HS3ST5: variants seen among roughly 807,000 people sequenced by gnomAD.
The protein encoded by HS3ST5 is heparan sulfate glucosamine 3-O-sulfotransferase 5.
Under a neutral mutation model 25.4 loss-of-function variants are expected in HS3ST5, and 10 were observed. That is an observed-to-expected ratio of 0.39 (90% CI 0.24 to 0.67). The LOEUF (loss-of-function observed/expected upper bound fraction) is 0.67, where lower values mean the gene tolerates loss of function less well. Ranked by LOEUF, HS3ST5 falls within the 30% of genes least tolerant of loss-of-function variation. The pLI is 0.44. For missense variants in HS3ST5, 324 were observed against 420.7 expected (o/e 0.77, Z 2.01); for synonymous variants, 170 against 162.4 (o/e 1.05, Z -0.36).
At chr6:114,095,922 A>T (rs938291138) in intron 3 of HS3ST5, among the ~76,000 whole-genome samples, 4 of 152,114 alleles carry the variant, frequency 2.6e-5, no homozygotes, top group Admixed American at 2.0e-4. Context: ...CTGTATTTCA[A>T]TGATACTAAT....
chr6:114,119,484 AAC>A (rs1384953215), intron 3 of HS3ST5, among the ~76,000 whole-genome samples: 1 of 152,234 alleles, frequency 6.6e-6, no homozygotes, highest in African/African-American at 2.4e-5. Flanking sequence ...AATAAGGAAG[AAC>A]TGTGTAATGT....
At chr6:114,340,686 C>T (rs1207344625) in intron 1 of HS3ST5, 2 of 152,102 alleles carry the variant, frequency 1.3e-5, no homozygotes, top group African/African-American at 4.8e-5. Flanking sequence ...ATGACAACAA[C>T]AAAAATCTAT....
At chr6:114,091,737 A>G (rs1044613113) in intron 3 of HS3ST5, among the ~76,000 whole-genome samples, 3 of 152,106 alleles carry the variant, frequency 2.0e-5, no homozygotes, top group African/African-American at 7.2e-5. Context: ...AGAAGCCACC[A>G]TGTTTTGGCC....
At chr6:114,213,761 C>T (rs1562240342) in intron 2 of HS3ST5, among the ~76,000 whole-genome samples, 1 of 152,156 alleles carries the variant, frequency 6.6e-6, no homozygotes, top group Non-Finnish European at 1.5e-5. Flanking sequence ...AAACTCCTAA[C>T]TTGGTATTCA....
chr6:114,188,371 A>G (rs1215295989), intron 2 of HS3ST5, among the ~76,000 whole-genome samples: 2 of 152,244 alleles, frequency 1.3e-5, no homozygotes, highest in Admixed American at 6.5e-5. Flanking sequence ...ACATGTTTAT[A>G]TAACTGTATC....
chr6:114,135,072 G>A (rs1406861094), intron 3 of HS3ST5, among the ~76,000 whole-genome samples: 12 of 152,206 alleles, frequency 7.9e-5, no homozygotes, highest in Non-Finnish European at 1.5e-4. Context: ...AACCAGGGTG[G>A]AAGGGGCATG....
Position 114,157,331 on chromosome 6 carries a change from CT to C in HS3ST5, c.-33+11019del, listed in dbSNP as rs1265260003. ...TCATTCCCATCCAATTCATTCTTTA[CT>C]TTGTTCCTAATATACAAATCTGATC... is the stretch of plus-strand genomic sequence containing the variant. On this transcript the variant is annotated intron_variant, in intron 3 of 4. Transcript: ENST00000312719. Among the ~76,000 whole-genome samples, 5 of 152,178 alleles carry C rather than the reference CT, an allele frequency of 3.3e-5. No homozygotes were observed. In the East Asian group the frequency reaches 9.6e-4, roughly 29 times the overall value.
intron 3 of HS3ST5, among the ~76,000 whole-genome samples, chr6:114,154,835 C>G (rs1166184077): frequency 6.6e-6 from 1 of 152,192 alleles, no homozygotes; most frequent in Admixed American, 6.5e-5. Context: ...CAAATGTCAT[C>G]TCACTGATAA....
intron 3 of HS3ST5, among the ~76,000 whole-genome samples, chr6:114,124,722 T>C (rs1228360953): frequency 2.0e-5 from 3 of 152,148 alleles, no homozygotes; most frequent in Non-Finnish European, 4.4e-5. Context: ...TTAACATTAT[T>C]ATCCTGCTTT....
At chr6:114,315,660 G>C (rs1775717227) in intron 1 of HS3ST5, among the ~76,000 whole-genome samples, 1 of 152,118 alleles carries the variant, frequency 6.6e-6, no homozygotes, top group South Asian at 2.1e-4. Context: ...AAAATATTAT[G>C]ACCCCTACTA....
chr6:114,293,139 G>T (rs760483971), intron 1 of HS3ST5, among the ~76,000 whole-genome samples: 4 of 152,108 alleles, frequency 2.6e-5, no homozygotes, highest in Non-Finnish European at 5.9e-5. Flanking sequence ...TAAGCCATGG[G>T]ATAGAGGAGT....
intron 3 of HS3ST5, among the ~76,000 whole-genome samples, chr6:114,166,326 G>A (rs987372219): frequency 2.0e-5 from 3 of 152,146 alleles, no homozygotes; most frequent in Non-Finnish European, 4.4e-5. Context: ...ACAGTGCTCA[G>A]TACTTCACAT....
intron 1 of HS3ST5, among the ~76,000 whole-genome samples, chr6:114,232,113 T>G (rs903565872): frequency 6.6e-6 from 1 of 152,196 alleles, no homozygotes; most frequent in Admixed American, 6.6e-5. Context: ...CCAATTTCAT[T>G]CATTTTACTC....
intron 3 of HS3ST5, among the ~76,000 whole-genome samples, chr6:114,112,679 C>G (rs1444923917): frequency 6.6e-6 from 1 of 152,142 alleles, no homozygotes; most frequent in African/African-American, 2.4e-5. Context: ...CAAAATTGGC[C>G]TCTTGACTTT....
chr6:114,218,876 G>A (rs1781895541), intron 2 of HS3ST5, among the ~76,000 whole-genome samples: 1 of 151,984 alleles, frequency 6.6e-6, no homozygotes, highest in South Asian at 2.1e-4. Context: ...AAATATAGAA[G>A]GATAATTTAT....
chr6:114,284,753 C>T (rs1212722330), intron 1 of HS3ST5, among the ~76,000 whole-genome samples: 1 of 151,814 alleles, frequency 6.6e-6, no homozygotes, highest in African/African-American at 2.4e-5. Flanking sequence ...CCAAGCTGCT[C>T]CTTATAACAC....
At chr6:114,277,755 T>C (rs942672121) in intron 1 of HS3ST5, among the ~76,000 whole-genome samples, 2 of 151,954 alleles carry the variant, frequency 1.3e-5, no homozygotes, top group African/African-American at 4.8e-5. Flanking sequence ...GGAAAAGCCA[T>C]ATGCAGATAT....
intron 3 of HS3ST5, among the ~76,000 whole-genome samples, chr6:114,102,313 G>GGT (rs1562197490): frequency 5.9e-5 from 9 of 152,284 alleles, no homozygotes; most frequent in African/African-American, 1.9e-4. Flanking sequence ...TCTACCTGAG[G>GGT]TCTTTGCCAT....
At chr6:114,263,986 T>A (rs1773292582) in intron 1 of HS3ST5, among the ~76,000 whole-genome samples, 1 of 152,034 alleles carries the variant, frequency 6.6e-6, no homozygotes, top group Non-Finnish European at 1.5e-5. Context: ...ACAATAACAC[T>A]ACCCCAAAAG....
Sources: allele counts gnomAD v4.1 joint callset (sites outside exome capture counted in the v4.1 genomes callset), GRCh38; gene constraint gnomAD v4.1.1; transcripts MANE v1.5; gene names NCBI Gene and HGNC (gene_info 2026-07-23, HGNC 2026-07-21).